Variants in CCDC73 observed in about 807,000 individuals in gnomAD.
The protein encoded by CCDC73 is coiled-coil domain-containing protein 73.
CCDC73 carries 95 observed loss-of-function variants against 116.5 expected under a neutral mutation model. That is an observed-to-expected ratio of 0.82 (90% confidence interval 0.69 to 0.97). The LOEUF is 0.97. Among genes scored for constraint, CCDC73 ranks in the 50% least tolerant of loss-of-function variants. CCDC73 has a pLI of 0.00. For missense variants in CCDC73, 1,066 were observed against 1,206.8 expected (o/e 0.88, Z 1.73); for synonymous variants, 398 against 401.3 (o/e 0.99, Z 0.10).
At chr11:32,701,151 C>A (rs1364164291) in intron 4 of CCDC73, among the ~76,000 whole-genome samples, 1 of 152,136 alleles carries the variant, frequency 6.6e-6, no homozygotes, top group African/African-American at 2.4e-5. Flanking sequence ...CCACCACACC[C>A]AGTTCAAAAT....
At chr11:32,671,566 CT>C (rs1396461778) in intron 9 of CCDC73, among the ~76,000 whole-genome samples, 5 of 152,036 alleles carry the variant, frequency 3.3e-5, no homozygotes, top group Non-Finnish European at 7.4e-5. Context: ...TGATTCTCTT[CT>C]GAAAGTTAAC....
At chr11:32,639,979 T>G (rs1406472004) in intron 13 of CCDC73, among the ~76,000 whole-genome samples, 2 of 152,224 alleles carry the variant, frequency 1.3e-5, no homozygotes, top group Admixed American at 6.5e-5. Flanking sequence ...TGACCAAATA[T>G]GAAACAGCAG....
At chr11:32,766,922 T>C (rs1330034748) in intron 1 of CCDC73, among the ~76,000 whole-genome samples, 2 of 152,168 alleles carry the variant, frequency 1.3e-5, no homozygotes, top group African/African-American at 4.8e-5. Context: ...TTCAATGCCA[T>C]CCCCATCAAA....
chr11:32,689,416 G>C (rs994704807), intron 6 of CCDC73, among the ~76,000 whole-genome samples: 1 of 152,106 alleles, frequency 6.6e-6, no homozygotes, highest in Non-Finnish European at 1.5e-5. Context: ...CATTAAAAAG[G>C]AAGATTTACA....
upstream of CCDC73, among the ~76,000 whole-genome samples, chr11:32,795,601 A>G (rs1850719527): frequency 6.6e-6 from 1 of 152,182 alleles, no homozygotes; most frequent in South Asian, 2.1e-4. Flanking sequence ...GTTATGTTGA[A>G]TAGTCATTCA....
At chr11:32,730,606 T>C (rs889132793) in intron 2 of CCDC73, among the ~76,000 whole-genome samples, 3 of 152,180 alleles carry the variant, frequency 2.0e-5, no homozygotes, top group African/African-American at 4.8e-5. Context: ...TTCTGTTTGG[T>C]TTTCAGTTCT....
At chr11:32,638,557 C>T (rs752042705) in intron 13 of CCDC73, among the ~76,000 whole-genome samples, 2 of 152,064 alleles carry the variant, frequency 1.3e-5, no homozygotes, top group Admixed American at 6.6e-5. Flanking sequence ...TGGCTCACTG[C>T]AACCTCTGAC....
At chr11:32,765,589 G>A (rs1732353698) in intron 1 of CCDC73, among the ~76,000 whole-genome samples, 1 of 152,172 alleles carries the variant, frequency 6.6e-6, no homozygotes, top group Admixed American at 6.5e-5. Context: ...CAACATACCA[G>A]AATCTCTGGG....
intron 16 of CCDC73, among the ~76,000 whole-genome samples, 187 bp downstream of exon 16, chr11:32,613,235 C>G (rs1855438349): frequency 1.3e-5 from 2 of 152,130 alleles, no homozygotes; most frequent in South Asian, 4.1e-4. Flanking sequence ...AATATTCACA[C>G]TTGGCAGAAG....
At chr11:32,630,044 G>A (rs114733235) in intron 14 of CCDC73, among the ~76,000 whole-genome samples, 3,669 of 151,878 alleles carry the variant, frequency 0.024, 135 homozygotes, top group African/African-American at 0.084. Context: ...ATGTGGTGGT[G>A]AATAGAAAAG....
chr11:32,823,858 G>T, the CCDC73 span, among the ~76,000 whole-genome samples: 12 of 151,930 alleles, frequency 7.9e-5, no homozygotes, highest in African/African-American at 2.9e-4. Context: ...TCCCACCTCA[G>T]CCTCCCTGAA....
chr11:32,684,185 G>A (rs1162621692), intron 6 of CCDC73, among the ~76,000 whole-genome samples: 1 of 151,818 alleles, frequency 6.6e-6, no homozygotes, highest in Non-Finnish European at 1.5e-5. Flanking sequence ...TAAGTAGCTG[G>A]GTACTATAGG....
chr11:32,730,827 T>C (rs758905722), intron 2 of CCDC73, among the ~76,000 whole-genome samples: 3 of 152,218 alleles, frequency 2.0e-5, no homozygotes, highest in Non-Finnish European at 2.9e-5. Flanking sequence ...ATAGCTCCAG[T>C]CTACAGCTCC....
At position 32,790,413 on chromosome 11, in the gene CCDC73, T is replaced by A. The variant is rs149720417; in HGVS notation, c.-16+4200A>T. Among the ~76,000 whole-genome samples the A allele has an allele frequency of 3.7e-4, 56 of 152,328 alleles. 1 individual carries two copies. In the East Asian group the frequency reaches 0.011, roughly 29 times the overall value. On this transcript the variant is annotated intron_variant, in intron 1 of 17. Coordinates refer to ENST00000335185, the MANE Select transcript of CCDC73 (RefSeq NM_001008391.4). ...TGTCTATTCCACATAATTTTGCACT[T>A]TATTTATCCATTTATAATACTGCCC...
intron 1 of CCDC73, among the ~76,000 whole-genome samples, chr11:32,788,328 A>G (rs1420256656): frequency 6.6e-6 from 1 of 152,210 alleles, no homozygotes; most frequent in East Asian, 1.9e-4. Flanking sequence ...AAGACTAGAG[A>G]AGAGCAATAA....
intron 9 of CCDC73, among the ~76,000 whole-genome samples, chr11:32,657,257 A>G (rs945918631): frequency 3.9e-5 from 6 of 152,198 alleles, no homozygotes; most frequent in Non-Finnish European, 8.8e-5. Context: ...CAAATTCAAA[A>G]TCCAGGAGAA....
chr11:32,815,828 C>T, the CCDC73 span, among the ~76,000 whole-genome samples: 1 of 152,188 alleles, frequency 6.6e-6, no homozygotes. Context: ...GACTTACCAA[C>T]CTTACACACC....
chr11:32,828,380 G>A, the CCDC73 span, among the ~76,000 whole-genome samples: 1 of 151,784 alleles, frequency 6.6e-6, no homozygotes, highest in South Asian at 2.1e-4. Flanking sequence ...CGTGGTGGTG[G>A]ATGCCTGTAA....
At chr11:32,655,316 A>C (rs1855862023) in intron 9 of CCDC73, among the ~76,000 whole-genome samples, 1 of 152,242 alleles carries the variant, frequency 6.6e-6, no homozygotes, top group African/African-American at 2.4e-5. Context: ...TCCCAAATTT[A>C]TTAGCCTCTA....
Sources: gnomAD v4.1 joint callset for allele counts (sites outside exome capture counted in the v4.1 genomes callset) on GRCh38, gnomAD v4.1.1 for gene constraint, MANE v1.5 for transcripts, NCBI Gene and HGNC (gene_info 2026-07-23, HGNC 2026-07-21) for gene names.